The following YTHDF3 variants were observed in gnomAD, a reference collection of about 807,000 sequenced individuals.
The protein encoded by YTHDF3 is YTH N6-methyladenosine RNA binding protein F3.
YTHDF3 carries 9 observed loss-of-function variants against 52.5 expected under a neutral mutation model. The ratio of observed to expected loss-of-function variants is 0.17; its 90% confidence interval spans 0.10 to 0.30. The LOEUF (loss-of-function observed/expected upper bound fraction) is 0.30, where lower values mean the gene tolerates loss of function less well. Ranked by LOEUF, YTHDF3 falls within the 10% of genes least tolerant of loss-of-function variation. YTHDF3 has a pLI of 1.00. For synonymous variants in YTHDF3, 274 were observed against 243.3 expected (o/e 1.13, Z -1.18); for missense variants, 534 against 715.0 (o/e 0.75, Z 2.89).
chr8:63,180,809 C>G (rs1563397355), intron 3 of YTHDF3, among the ~76,000 whole-genome samples: 1 of 152,152 alleles, frequency 6.6e-6, no homozygotes, highest in South Asian at 2.1e-4. Flanking sequence ...CCGTCTACAC[C>G]AAAAAAATAC....
chr8:63,209,263 T>C (rs1039076297), intron 4 of YTHDF3, among the ~76,000 whole-genome samples: 3 of 152,206 alleles, frequency 2.0e-5, no homozygotes, highest in African/African-American at 7.2e-5. Flanking sequence ...TTTATTAGTC[T>C]GAAATCTTCA....
At chr8:63,177,886 T>C (rs1039010444) in intron 3 of YTHDF3, among the ~76,000 whole-genome samples, 2 of 151,918 alleles carry the variant, frequency 1.3e-5, no homozygotes. Context: ...GCCTCCCAAG[T>C]AGCTGGGATT....
At chr8:63,199,411 CT>C (rs1050916305) in intron 4 of YTHDF3, among the ~76,000 whole-genome samples, 2 of 152,102 alleles carry the variant, frequency 1.3e-5, no homozygotes, top group Non-Finnish European at 2.9e-5. Flanking sequence ...TTTTTTATCT[CT>C]TTCGTTGAAA....
At chr8:63,190,125 G>A (rs1465119952) in intron 4 of YTHDF3, among the ~76,000 whole-genome samples, 1 of 152,146 alleles carries the variant, frequency 6.6e-6, no homozygotes, top group African/African-American at 2.4e-5. Flanking sequence ...AGAAATATAG[G>A]CAGCAAAATC....
At chr8:63,191,704 T>G (rs954632290) in intron 4 of YTHDF3, among the ~76,000 whole-genome samples, 19 of 152,316 alleles carry the variant, frequency 1.2e-4, no homozygotes, top group African/African-American at 1.7e-4. Flanking sequence ...TGATTGGTTG[T>G]TTGTCCCTAT....
intron 4 of YTHDF3, among the ~76,000 whole-genome samples, chr8:63,209,120 G>T (rs1415208713): frequency 1.3e-5 from 2 of 151,990 alleles, no homozygotes; most frequent in Non-Finnish European, 2.9e-5. Context: ...CACCTGTCTC[G>T]GCCTCCCAGA....
At position 63,169,422 on chromosome 8, in the gene YTHDF3, ATTTTT is replaced by A; in HGVS notation, c.49+18_49+22del. The A allele has an allele frequency of 7.6e-7, 1 of 1,308,196 alleles. No homozygotes were observed. Among genetic ancestry groups the A allele is most frequent in the Non-Finnish European group, 1.0e-6 (1 of 958,156 alleles). The allele number at this position is 1,308,196 out of a possible 1,614,324, so 81.0% of individuals were successfully genotyped here. A position where few individuals can be genotyped will look rare whatever the true frequency, so the allele number is the denominator to read the frequency against. Reference sequence around the variant, plus strand: ...GGCAAGGAAATAAAGGTGAGTTTGGATTTTTTTTTTTCTTATTGCTCAATGTTGCC... The same window carrying A: ...GGCAAGGAAATAAAGGTGAGTTTGGATTTTTTCTTATTGCTCAATGTTGCC... On this transcript the variant is annotated intron_variant, in intron 2 of 4. Coordinates refer to ENST00000539294, the MANE Select transcript of YTHDF3 (RefSeq NM_152758.6).
At position 63,187,848 on chromosome 8, in the gene YTHDF3, ACTT is replaced by A. The variant is rs1808629418; in HGVS notation, c.1734+104_1734+106del. The A allele has an allele frequency of 2.4e-6, 3 of 1,267,228 alleles. No individual in the cohort carries two copies. In the Admixed American group the frequency reaches 8.6e-5, roughly 36 times the overall value. The allele number at this position is 1,267,228 out of a possible 1,614,324, so 78.5% of individuals were successfully genotyped here. A position where few individuals can be genotyped will look rare whatever the true frequency, so the allele number is the denominator to read the frequency against. ...GAACTTTCTGTGAAGGAAACCAACT[ACTT>A]AAGAAACAACTCTACAAACACCCTT... On this transcript the variant is annotated intron_variant, in intron 4 of 4. Transcript: ENST00000539294.
At chr8:63,202,771 A>G (rs907353781) in intron 4 of YTHDF3, among the ~76,000 whole-genome samples, 2 of 150,562 alleles carry the variant, frequency 1.3e-5, no homozygotes, top group African/African-American at 4.9e-5. Flanking sequence ...CCTTTGTTCT[A>G]CTCTTTAGCA....
At chr8:63,189,292 GT>G (rs1808762720) in intron 4 of YTHDF3, among the ~76,000 whole-genome samples, 1 of 152,190 alleles carries the variant, frequency 6.6e-6, no homozygotes, top group Non-Finnish European at 1.5e-5. Context: ...GGCCACAAGA[GT>G]CAGTTCAACT....
At chr8:63,188,112 ATATT>A (rs1324099705) in intron 4 of YTHDF3, among the ~76,000 whole-genome samples, 2 of 152,068 alleles carry the variant, frequency 1.3e-5, no homozygotes, top group Non-Finnish European at 2.9e-5. Context: ...AGGAGAAAAT[ATATT>A]TAGAGTTTGA....
chr8:63,191,789 A>G (rs2150380964), intron 4 of YTHDF3, among the ~76,000 whole-genome samples: 1 of 152,156 alleles, frequency 6.6e-6, no homozygotes, highest in East Asian at 1.9e-4. Context: ...TTCACTCAGC[A>G]TGGTATCTTT....
rs954015033 is a variant in YTHDF3 at position 63,212,543 on chromosome 8, G to T, written c.*2837G>T. 1 of 152,568 alleles carries T rather than the reference G, an allele frequency of 6.6e-6. No individual in the cohort carries two copies. The highest frequency in any genetic ancestry group is 2.1e-4 in the South Asian group (1 of 4,830). 9.5% of individuals were successfully genotyped at this position (152,568 alleles called of 1,614,324 possible). A position where few individuals can be genotyped will look rare whatever the true frequency, so the allele number is the denominator to read the frequency against. On this transcript the variant is annotated 3_prime_UTR_variant, in exon 5 of 5. Transcript: ENST00000539294. ...GAGAATTGTGTTTTCATTAAGTTTTGCATATCTTTTGTTATGCCATGTAAA... is the reference window on the plus strand; with the variant it reads ...GAGAATTGTGTTTTCATTAAGTTTTTCATATCTTTTGTTATGCCATGTAAA...
intron 4 of YTHDF3, among the ~76,000 whole-genome samples, chr8:63,207,289 A>G (rs915297851): frequency 1.3e-5 from 2 of 152,132 alleles, no homozygotes; most frequent in African/African-American, 4.8e-5. Flanking sequence ...TGTCTCTATT[A>G]GTCTTAACTT....
At chr8:63,201,055 TTC>T (rs1809609042) in intron 4 of YTHDF3, among the ~76,000 whole-genome samples, 2 of 152,198 alleles carry the variant, frequency 1.3e-5, no homozygotes, top group African/African-American at 4.8e-5. Context: ...TTAAGAAAAT[TTC>T]TGTCTTCAAG....
At chr8:63,184,965 C>A (rs75345957) in intron 3 of YTHDF3, among the ~76,000 whole-genome samples, 2 of 151,950 alleles carry the variant, frequency 1.3e-5, no homozygotes, top group Non-Finnish European at 2.9e-5. Flanking sequence ...ACAAAAAATA[C>A]AAAAAATTAG....
At chr8:63,169,103 C>T (rs1210592230) in intron 1 of YTHDF3, 14 of 1,379,646 alleles carry the variant, frequency 1.0e-5, no homozygotes, top group Non-Finnish European at 1.2e-5. Flanking sequence ...GGTGCCGCGG[C>T]GGGTGGGGGC....
rs148829233 is a variant in YTHDF3, at chr8:63,207,797, A to G, written c.1735-1886A>G. 7.1e-4 allele frequency among the ~76,000 whole-genome samples: 108 copies of G among 152,036 alleles called. 1 individual carries two copies. The highest frequency in any genetic ancestry group is 2.5e-3 in the African/African-American group (103 of 41,460). ...AGTTGAGAAATTTCTCTAAGTTTTG[A>G]TCACTTATTTTATGGGGAGAATGAG... On this transcript the variant is annotated intron_variant, in intron 4 of 4. Transcript: ENST00000539294.
intron 4 of YTHDF3, among the ~76,000 whole-genome samples, chr8:63,190,302 CT>C (rs61626712): frequency 3.7e-4 from 53 of 144,522 alleles, no homozygotes; most frequent in South Asian, 1.1e-3. Context: ...CCTTCTGTGT[CT>C]TTTTTTTTTT....
Sources: gnomAD v4.1 joint callset for allele counts (sites outside exome capture counted in the v4.1 genomes callset) on GRCh38, gnomAD v4.1.1 for gene constraint, MANE v1.5 for transcripts, NCBI Gene and HGNC (gene_info 2026-07-23, HGNC 2026-07-21) for gene names.